CAST: variants seen among roughly 807,000 people sequenced by gnomAD.
CAST encodes MIR583 host.
In CAST, 76 loss-of-function variants were observed where a neutral mutation model predicts 119.6. The ratio of observed to expected loss-of-function variants is 0.64; its 90% CI spans 0.53 to 0.77. The LOEUF (loss-of-function observed/expected upper bound fraction) is 0.77, where lower values mean the gene tolerates loss of function less well. Among genes scored for constraint, CAST ranks in the 30% least tolerant of loss-of-function variants. The pLI is 0.00. For missense variants in CAST, 953 were observed against 946.5 expected (o/e 1.01, Z -0.09); for synonymous variants, 319 against 331.6 (o/e 0.96, Z 0.41).
chr5:96,565,702 A>C (rs974045840), intron 1 of CAST, among the ~76,000 whole-genome samples: 3 of 152,106 alleles, frequency 2.0e-5, no homozygotes, highest in Non-Finnish European at 4.4e-5. Flanking sequence ...ATTTTTCCTA[A>C]GGCAGCCCGC....
At position 96,542,243 on chromosome 5, in the gene CAST, G is replaced by A. The variant is rs567032606; in HGVS notation, c.60+12363G>A. ...AAGAATGGCGTGAACCCCGGGGGGC[G>A]GAGCCTGCAGTGAGCCGAGATCGCG... On this transcript the variant is annotated intron_variant, in intron 1 of 11. Coordinates refer to the CAST transcript ENST00000505143. Among the ~76,000 whole-genome samples the A allele has an allele frequency of 1.1e-4, 16 of 150,426 alleles. No homozygotes were observed. The East Asian group carries it at 2.6e-3, about 24-fold the overall frequency.
At chr5:96,003,109 A>G in the CAST span, among the ~76,000 whole-genome samples, 12 of 152,250 alleles carry the variant, frequency 7.9e-5, no homozygotes, top group African/African-American at 2.6e-4. Context: ...GCATGGTGGC[A>G]GGTGTCTGTA....
chr5:96,611,430 C>T (rs184695246), intron 1 of CAST, among the ~76,000 whole-genome samples: 3 of 152,270 alleles, frequency 2.0e-5, no homozygotes, highest in Admixed American at 2.0e-4. Flanking sequence ...AACTGGACCC[C>T]TACCTCTCAC....
chr5:95,972,490 C>CAT, the CAST span, among the ~76,000 whole-genome samples: 1 of 151,646 alleles, frequency 6.6e-6, no homozygotes, highest in East Asian at 1.9e-4. Flanking sequence ...TAATATAGAC[C>CAT]ATATATCCAT....
intron 5 of CAST, 88 bp downstream of exon 5, chr5:96,726,947 C>T (rs1337903637): frequency 6.8e-6 from 6 of 880,416 alleles, no homozygotes; most frequent in African/African-American, 5.0e-5. Flanking sequence ...AATTCACAGT[C>T]TTCTGTTAAC....
intron 2 of CAST, among the ~76,000 whole-genome samples, chr5:96,682,558 C>A (rs1751566722): frequency 1.3e-5 from 2 of 151,576 alleles, no homozygotes; most frequent in Non-Finnish European, 2.9e-5. Context: ...CTTTTTCAGT[C>A]TTCGGGGTAA....
chr5:96,748,468 C>A, intron 18 of CAST, 50 bp from the exon 19 acceptor site: 3 of 901,128 alleles, frequency 3.3e-6, no homozygotes, highest in South Asian at 3.8e-5. Context: ...TTTTTTTTTA[C>A]AAAATAAAAA....
At chr5:96,439,780 C>T in the CAST span, among the ~76,000 whole-genome samples, 1 of 152,132 alleles carries the variant, frequency 6.6e-6, no homozygotes, top group African/African-American at 2.4e-5. Flanking sequence ...TCACCTCCCT[C>T]CAGTGAACAC....
chr5:96,510,822 A>G, the CAST span, among the ~76,000 whole-genome samples: 1 of 152,276 alleles, frequency 6.6e-6, no homozygotes, highest in Non-Finnish European at 1.5e-5. Flanking sequence ...GATATTAAAT[A>G]TTCTATCCAA....
the CAST span, among the ~76,000 whole-genome samples, chr5:96,308,203 G>T: frequency 9.8e-4 from 149 of 151,512 alleles, 1 homozygote; most frequent in Non-Finnish European, 1.7e-3. Context: ...TCATTGAGTT[G>T]ATCTTCAATC....
At position 96,550,981 on chromosome 5, in the gene CAST, A is replaced by G. The variant is rs544685624; in HGVS notation, c.60+21101A>G. Among the ~76,000 whole-genome samples, 78 of 152,348 alleles carry G rather than the reference A, an allele frequency of 5.1e-4. 1 individual carries two copies. Among genetic ancestry groups the G allele is most frequent in the Non-Finnish European group, 1.1e-3 (72 of 68,028 alleles). On this transcript the variant is annotated intron_variant, in intron 1 of 11. Transcript: ENST00000505143. ...GTCACGGGGGGAATGGAACCAAGTT[A>G]GAAAACACTCTTCAGGATATTATCC...
At chr5:96,024,139 TCA>T in the CAST span, among the ~76,000 whole-genome samples, 1 of 152,200 alleles carries the variant, frequency 6.6e-6, no homozygotes, top group African/African-American at 2.4e-5. Context: ...TGACTTTTTA[TCA>T]GTCTCCACCT....
the CAST span, among the ~76,000 whole-genome samples, chr5:96,058,387 T>C: frequency 3.9e-5 from 6 of 152,186 alleles, no homozygotes; most frequent in South Asian, 4.1e-4. Flanking sequence ...TGTGGCTGCA[T>C]TGAAATTTAA....
chr5:96,470,840 A>C, the CAST span, among the ~76,000 whole-genome samples: 1 of 152,220 alleles, frequency 6.6e-6, no homozygotes, highest in African/African-American at 2.4e-5. Flanking sequence ...GTACAGGACC[A>C]AAAGGAAAGT....
At chr5:96,495,032 C>T in the CAST span, among the ~76,000 whole-genome samples, 4 of 150,748 alleles carry the variant, frequency 2.7e-5, no homozygotes, top group African/African-American at 2.4e-5. Context: ...GCAGTAAAAT[C>T]GCTTGAACCC....
the CAST span, among the ~76,000 whole-genome samples, chr5:96,426,549 C>A: frequency 2.0e-5 from 3 of 152,176 alleles, no homozygotes; most frequent in Non-Finnish European, 2.9e-5. Context: ...AATTCAGTCT[C>A]ATGTATTATG....
At chr5:96,557,242 C>T (rs144092393) in intron 1 of CAST, among the ~76,000 whole-genome samples, 14 of 151,170 alleles carry the variant, frequency 9.3e-5, no homozygotes, top group Non-Finnish European at 1.6e-4. Context: ...CTGGTACCAG[C>T]CACTGCAAAA....
At chr5:96,108,071 C>A in the CAST span, among the ~76,000 whole-genome samples, 8 of 151,938 alleles carry the variant, frequency 5.3e-5, no homozygotes, top group Non-Finnish European at 8.8e-5. Context: ...GTTTTCAGCT[C>A]CATCAGCTCC....
the CAST span, among the ~76,000 whole-genome samples, chr5:96,199,020 A>C: frequency 2.6e-5 from 4 of 152,164 alleles, no homozygotes. Flanking sequence ...GAAAAACCAG[A>C]CATACTCCAT....
Sources: allele counts gnomAD v4.1 joint callset (sites outside exome capture counted in the v4.1 genomes callset), GRCh38; gene constraint gnomAD v4.1.1; transcripts MANE v1.5; gene names NCBI Gene and HGNC (gene_info 2026-07-23, HGNC 2026-07-21).